The following CRPPA variants were observed in gnomAD, a reference collection of about 807,000 sequenced individuals.
The protein encoded by CRPPA is CDP-L-ribitol pyrophosphorylase A.
Under a neutral mutation model 52.0 loss-of-function variants are expected in CRPPA, and 43 were observed. The observed-to-expected ratio is 0.83, with a 90% CI of 0.65 to 1.07. The LOEUF (loss-of-function observed/expected upper bound fraction) is 1.07, where lower values mean the gene tolerates loss of function less well. Ranked by LOEUF, CRPPA falls within the 50% of genes least tolerant of loss-of-function variation. The pLI is 0.00. For synonymous variants in CRPPA, 250 were observed against 203.5 expected (o/e 1.23, Z -1.94); for missense variants, 629 against 551.7 (o/e 1.14, Z -1.40).
At chr7:16,104,096 T>G (rs984086028) in intron 9 of CRPPA, among the ~76,000 whole-genome samples, 1 of 152,190 alleles carries the variant, frequency 6.6e-6, no homozygotes, top group African/African-American at 2.4e-5. Context: ...AATGGGTAGA[T>G]AGTTAGTATC....
At position 16,126,640 on chromosome 7, in the gene CRPPA, C is replaced by G. The variant is rs547766923; in HGVS notation, c.1252-34841G>C. Among the ~76,000 whole-genome samples the G allele has an allele frequency of 1.2e-3, 187 of 152,136 alleles. 1 individual carries two copies. The highest frequency in any genetic ancestry group is 4.3e-3 in the African/African-American group (179 of 41,530). ...GAATTGCATTTGGAGATACTGAAAA[C>G]TAAAAATATAATCACTGAAAAACTC... On this transcript the variant is annotated intron_variant, in intron 9 of 9. Coordinates refer to ENST00000407010, the MANE Select transcript of CRPPA (RefSeq NM_001101426.4).
chr7:16,273,456 A>C (rs1304552715), intron 6 of CRPPA, among the ~76,000 whole-genome samples: 1 of 151,966 alleles, frequency 6.6e-6, no homozygotes, highest in Non-Finnish European at 1.5e-5. Context: ...TGAAGGTGGG[A>C]CTTCAGAAGG....
intron 9 of CRPPA, among the ~76,000 whole-genome samples, chr7:16,133,671 T>C (rs1363117690): frequency 8.1e-6 from 1 of 123,972 alleles, no homozygotes; most frequent in Non-Finnish European, 1.8e-5. Flanking sequence ...AAACCTTGCA[T>C]AACACCATGG....
intron 1 of CRPPA, among the ~76,000 whole-genome samples, chr7:16,411,414 A>G (rs1227593156): frequency 6.6e-6 from 1 of 152,174 alleles, no homozygotes; most frequent in East Asian, 1.9e-4. Flanking sequence ...CACTTCATTT[A>G]TATTAAGGTT....
chr7:16,216,473 G>C lies in CRPPA; in HGVS notation c.1120-276C>G, dbSNP rs1782314428. The C allele has an allele frequency of 7.8e-5, 23 of 296,238 alleles. 1 individual carries two copies. The South Asian group carries it at 8.5e-4, about 11-fold the overall frequency. 18.4% of individuals were successfully genotyped at this position (296,238 alleles called of 1,614,324 possible). On this transcript the variant is annotated intron_variant, in intron 8 of 9. Transcript: ENST00000407010. Reference sequence around the variant, plus strand: ...CGAGTAGGAACAGCTCCGGTCTACAGCTCCCAGCGTGAGCGACGCAGAAGA... The same window carrying C: ...CGAGTAGGAACAGCTCCGGTCTACACCTCCCAGCGTGAGCGACGCAGAAGA...
In CRPPA at chr7:16,209,156, T is replaced by C. The variant is rs746103036; in HGVS notation, c.1251+6910A>G. ...CAAAGAAGATTGTGCTAAGGCTTAGTGCATTAAGCCCAGACCAACCGCAGA... is the reference window on the plus strand; with the variant it reads ...CAAAGAAGATTGTGCTAAGGCTTAGCGCATTAAGCCCAGACCAACCGCAGA... On this transcript the variant is annotated intron_variant, in intron 9 of 9. Transcript: ENST00000407010. 3.9e-5 allele frequency: 14 copies of C among 358,840 alleles called. No homozygotes were observed. In the East Asian group the frequency reaches 8.6e-4, roughly 22 times the overall value. The allele number at this position is 358,840 out of a possible 1,614,324, so 22.2% of individuals were successfully genotyped here.
chr7:16,316,687 C>G (rs868127077), intron 3 of CRPPA, among the ~76,000 whole-genome samples: 1 of 151,944 alleles, frequency 6.6e-6, no homozygotes, highest in Non-Finnish European at 1.5e-5. Flanking sequence ...CAAAGCGATT[C>G]TCTACAAAAA....
chr7:16,310,993 T>C (rs1253713800), intron 3 of CRPPA, among the ~76,000 whole-genome samples: 3 of 152,180 alleles, frequency 2.0e-5, no homozygotes, highest in Non-Finnish European at 2.9e-5. Context: ...AAGAATTTTA[T>C]TATCCATGCA....
Position 16,349,565 on chromosome 7 carries a change from T to G in CRPPA, c.684+26527A>C, listed in dbSNP as rs1420803392. Among the ~76,000 whole-genome samples the G allele has an allele frequency of 3.3e-5, 5 of 151,884 alleles. No individual in the cohort carries two copies. The East Asian group carries it at 9.7e-4, about 30-fold the overall frequency. ...GCAATGCAAAAACTGATAATTTCAG[T>G]AATAAAAGATAAAGTACAAAAACAG... On this transcript the variant is annotated intron_variant, in intron 3 of 9. Transcript: ENST00000407010.
intron 3 of CRPPA, among the ~76,000 whole-genome samples, chr7:16,345,841 G>T (rs1257046166): frequency 6.6e-6 from 1 of 152,074 alleles, no homozygotes; most frequent in Admixed American, 6.6e-5. Flanking sequence ...GCTACAACTA[G>T]AACATTTGTT....
intron 9 of CRPPA, among the ~76,000 whole-genome samples, chr7:16,107,289 A>G (rs1245940665): frequency 1.3e-5 from 2 of 152,298 alleles, no homozygotes; most frequent in South Asian, 2.1e-4. Context: ...TCTCTAATCA[A>G]TGCAACCCAG....
At chr7:16,387,714 T>C (rs1562672131) in intron 2 of CRPPA, among the ~76,000 whole-genome samples, 1 of 152,162 alleles carries the variant, frequency 6.6e-6, no homozygotes. Flanking sequence ...AACATCAATA[T>C]TCTACTTTCG....
Position 16,376,166 on chromosome 7 carries a change from C to A in CRPPA, c.610G>T (p.Glu204Ter). The A allele has an allele frequency of 1.2e-6, 2 of 1,613,364 alleles. No homozygotes were observed. The highest frequency in any genetic ancestry group is 1.7e-6 in the Non-Finnish European group (2 of 1,179,606). Reference protein sequence around the residue: ...SADGCLDYSLERARHRASEMP... With the variant: ...SADGCLDYSL ...TCACTTGCTCTGTGTCTGGCACGTT[C>A]TAGCGAGTAGTCTAAGCAACCATCA... Residue 204 changes from glutamate (E) to a stop codon, truncating the protein, a stop_gained, in exon 3 of 10, where the codon GAA (glutamate) becomes TAA (stop). Coordinates refer to ENST00000407010, the MANE Select transcript of CRPPA (RefSeq NM_001101426.4). LOFTEE classifies it high-confidence loss of function.
At chr7:16,129,750 G>T (rs1782647618) in intron 9 of CRPPA, among the ~76,000 whole-genome samples, 1 of 152,154 alleles carries the variant, frequency 6.6e-6, no homozygotes, top group African/African-American at 2.4e-5. Flanking sequence ...GGAACTATTT[G>T]TTGCTGAGTT....
intron 9 of CRPPA, among the ~76,000 whole-genome samples, chr7:16,157,348 T>C (rs755366157): frequency 6.9e-4 from 105 of 152,232 alleles, no homozygotes; most frequent in Middle Eastern, 3.4e-3. Flanking sequence ...GGAAACAATA[T>C]GATTCTGCAA....
At chr7:16,135,009 C>T (rs1010623354) in intron 9 of CRPPA, among the ~76,000 whole-genome samples, 1 of 152,100 alleles carries the variant, frequency 6.6e-6, no homozygotes, top group Non-Finnish European at 1.5e-5. Flanking sequence ...AAGTGGAACA[C>T]ACTATATTAA....
intron 3 of CRPPA, among the ~76,000 whole-genome samples, chr7:16,334,414 T>A (rs1349029561): frequency 1.3e-5 from 2 of 152,152 alleles, no homozygotes; most frequent in African/African-American, 4.8e-5. Flanking sequence ...CACCTAACCC[T>A]AGCTGCAGAG....
At chr7:16,282,507 A>C (rs920542960) in intron 5 of CRPPA, among the ~76,000 whole-genome samples, 2 of 152,088 alleles carry the variant, frequency 1.3e-5, no homozygotes, top group African/African-American at 4.8e-5. Context: ...GTGAGAAGGG[A>C]GTACATGCAC....
rs568866556 is a variant in CRPPA at position 16,096,628 on chromosome 7, G to A, written c.1252-4829C>T. On this transcript the variant is annotated intron_variant, in intron 9 of 9. Transcript: ENST00000407010. ...TGTCAATTTTGTTTTAGAAAATTTT[G>A]TTGCCCAGGGTAGAGTGCAGGTTGC... is the stretch of plus-strand genomic sequence containing the variant. Among the ~76,000 whole-genome samples, 43 of 152,020 alleles carry A rather than the reference G, an allele frequency of 2.8e-4. No homozygotes were observed. The South Asian group carries it at 8.9e-3, about 32-fold the overall frequency.
Sources: gnomAD v4.1 joint callset for allele counts (sites outside exome capture counted in the v4.1 genomes callset) on GRCh38, gnomAD v4.1.1 for gene constraint, MANE v1.5 for transcripts, NCBI Gene and HGNC (gene_info 2026-07-23, HGNC 2026-07-21) for gene names.